The following CABCOCO1 variants were observed in gnomAD, a reference collection of about 807,000 sequenced individuals.
CABCOCO1 encodes the protein ciliary associated calcium binding coiled-coil 1.
In CABCOCO1, 28 loss-of-function variants were observed where a neutral mutation model predicts 35.7. The observed-to-expected ratio is 0.78, with a 90% CI of 0.58 to 1.07. The LOEUF (loss-of-function observed/expected upper bound fraction) is 1.07. Among genes scored for constraint, CABCOCO1 ranks in the 50% least tolerant of loss-of-function variants. CABCOCO1 has a pLI of 0.00. For missense variants in CABCOCO1, 326 were observed against 309.2 expected (o/e 1.05, Z -0.41); for synonymous variants, 95 against 100.1 (o/e 0.95, Z 0.30).
In CABCOCO1 at chr10:61,766,108, T is replaced by C; in HGVS notation, c.*95T>C. On this transcript the variant is annotated 3_prime_UTR_variant, in exon 8 of 8. Coordinates refer to ENST00000648843, the MANE Select transcript of CABCOCO1 (RefSeq NM_001366906.2). ...TCTGGAGCGTCGTGTCTCCATCACT[T>C]AGTTGTGAAAGGAAAACCAAGCCCC... The C allele has an allele frequency of 8.6e-7, 1 of 1,161,100 alleles. No individual in the cohort carries two copies. Among genetic ancestry groups the C allele is most frequent in the South Asian group, 1.5e-5 (1 of 66,978 alleles). The allele number at this position is 1,161,100 out of a possible 1,614,324, so 71.9% of individuals were successfully genotyped here.
chr10:61,748,924 C>T (rs920954374), intron 5 of CABCOCO1, among the ~76,000 whole-genome samples: 2 of 151,982 alleles, frequency 1.3e-5, no homozygotes, highest in African/African-American at 2.4e-5. Context: ...ATCAGAGCCT[C>T]GGGATGGACA....
chr10:61,714,710 T>C (rs1251621940), intron 5 of CABCOCO1, among the ~76,000 whole-genome samples: 1 of 152,220 alleles, frequency 6.6e-6, no homozygotes, highest in East Asian at 1.9e-4. Context: ...TGGTACGTTG[T>C]GTCTTTGTTC....
intron 1 of CABCOCO1, among the ~76,000 whole-genome samples, chr10:61,669,430 A>T (rs1839292655): frequency 6.6e-6 from 1 of 152,070 alleles, no homozygotes; most frequent in African/African-American, 2.4e-5. Flanking sequence ...AGAGAAAGCC[A>T]CAATTACATA....
At chr10:61,677,932 C>T (rs1258680166) in intron 2 of CABCOCO1, among the ~76,000 whole-genome samples, 3 of 137,496 alleles carry the variant, frequency 2.2e-5, no homozygotes, top group African/African-American at 8.2e-5. Flanking sequence ...TAGTCTTTTT[C>T]TTTATGGTTT....
At chr10:61,734,840 G>A (rs979188456) in intron 5 of CABCOCO1, among the ~76,000 whole-genome samples, 40 of 152,072 alleles carry the variant, frequency 2.6e-4, no homozygotes, top group African/African-American at 8.9e-4. Flanking sequence ...AAAATAGGAT[G>A]AGAAAATGCA....
intron 3 of CABCOCO1, 71 bp from the exon 4 acceptor site, chr10:61,685,970 C>T: frequency 1.4e-6 from 2 of 1,387,000 alleles, no homozygotes; most frequent in Non-Finnish European, 1.9e-6. Context: ...ACATTGAAAA[C>T]ATCTTGGATT....
At chr10:61,669,818 G>A (rs1425265402) in intron 1 of CABCOCO1, among the ~76,000 whole-genome samples, 1 of 152,026 alleles carries the variant, frequency 6.6e-6, no homozygotes, top group East Asian at 1.9e-4. Flanking sequence ...TTTCAAATCA[G>A]ATAAATTGAT....
At chr10:61,714,149 T>C (rs889138208) in intron 5 of CABCOCO1, among the ~76,000 whole-genome samples, 1 of 152,176 alleles carries the variant, frequency 6.6e-6, no homozygotes, top group Admixed American at 6.5e-5. Context: ...CTGGACTTTT[T>C]TTGGTTGGTA....
intron 2 of CABCOCO1, among the ~76,000 whole-genome samples, chr10:61,680,744 A>G (rs1384109395): frequency 9.2e-6 from 1 of 109,056 alleles, no homozygotes; most frequent in Non-Finnish European, 1.8e-5. Flanking sequence ...TAATATATAT[A>G]TCTCAGAATA....
At chr10:61,673,592 G>A (rs1407150367) in intron 2 of CABCOCO1, among the ~76,000 whole-genome samples, 1 of 152,154 alleles carries the variant, frequency 6.6e-6, no homozygotes, top group Non-Finnish European at 1.5e-5. Context: ...GCATAAAGAT[G>A]ACTCACTACT....
At chr10:61,664,019 ATG>A (rs1839091998) in intron 1 of CABCOCO1, among the ~76,000 whole-genome samples, 2 of 152,166 alleles carry the variant, frequency 1.3e-5, no homozygotes, top group Non-Finnish European at 2.9e-5. Context: ...AATTTTATAA[ATG>A]AGGAAACACA....
At chr10:61,740,715 T>A (rs1480143891) in intron 5 of CABCOCO1, among the ~76,000 whole-genome samples, 1 of 152,084 alleles carries the variant, frequency 6.6e-6, no homozygotes, top group African/African-American at 2.4e-5. Context: ...ACTTATTTAC[T>A]GAGAACTGAG....
intron 5 of CABCOCO1, among the ~76,000 whole-genome samples, chr10:61,697,155 C>G (rs1417472518): frequency 2.0e-5 from 3 of 152,042 alleles, no homozygotes; most frequent in African/African-American, 4.8e-5. Context: ...TAAATATCTT[C>G]TCTGTAGACA....
chr10:61,666,886 T>G (rs1232554621), intron 1 of CABCOCO1, among the ~76,000 whole-genome samples: 1 of 145,712 alleles, frequency 6.9e-6, no homozygotes, highest in Non-Finnish European at 1.5e-5. Flanking sequence ...AATCCAAAAC[T>G]ATGTGTGTAT....
chr10:61,668,528 G>A (rs760056984), intron 1 of CABCOCO1, among the ~76,000 whole-genome samples: 16 of 151,898 alleles, frequency 1.1e-4, no homozygotes, highest in African/African-American at 1.9e-4. Context: ...TCGTCCAACC[G>A]TGATCAATTT....
intron 2 of CABCOCO1, among the ~76,000 whole-genome samples, chr10:61,680,677 T>TGTAAGGAA (rs1839742399): frequency 2.4e-5 from 2 of 82,416 alleles, no homozygotes; most frequent in African/African-American, 1.0e-4. Context: ...ATAACATATA[T>TGTAAGGAA]GTTATACATG....
At chr10:61,729,491 T>C (rs1297654544) in intron 5 of CABCOCO1, among the ~76,000 whole-genome samples, 1 of 152,126 alleles carries the variant, frequency 6.6e-6, no homozygotes, top group African/African-American at 2.4e-5. Context: ...TGTGGAGAAA[T>C]TGGTACCCTT....
chr10:61,713,354 T>C (rs1035903321), intron 5 of CABCOCO1, among the ~76,000 whole-genome samples: 1 of 152,212 alleles, frequency 6.6e-6, no homozygotes, highest in Non-Finnish European at 1.5e-5. Context: ...TTTTTGCACA[T>C]TGATTTTGTA....
At chr10:61,715,482 TC>T (rs1472634840) in intron 5 of CABCOCO1, among the ~76,000 whole-genome samples, 1 of 152,200 alleles carries the variant, frequency 6.6e-6, no homozygotes, top group Non-Finnish European at 1.5e-5. Flanking sequence ...CCAGTCTGTG[TC>T]CTTTAATTGG....
Sources: allele counts gnomAD v4.1 joint callset (sites outside exome capture counted in the v4.1 genomes callset), GRCh38; gene constraint gnomAD v4.1.1; transcripts MANE v1.5; gene names NCBI Gene and HGNC (gene_info 2026-07-23, HGNC 2026-07-21).